Variants in C12orf60 observed in about 807,000 individuals in gnomAD.
The protein encoded by C12orf60 is chromosome 12 open reading frame 60.
For synonymous variants in C12orf60, 102 were observed against 94.6 expected (o/e 1.08, Z -0.45); for missense variants, 284 against 283.2 (o/e 1.00, Z -0.02).
chr12:14,806,433 A>G (rs552576725), intron 1 of C12orf60: 15 of 1,614,138 alleles, frequency 9.3e-6, no homozygotes, highest in Middle Eastern at 1.6e-4. Flanking sequence ...TGCTTCATCA[A>G]CCTTCTGCAA....
chr12:14,811,622 G>A (rs1950139426), intron 1 of C12orf60, among the ~76,000 whole-genome samples: 1 of 152,122 alleles, frequency 6.6e-6, no homozygotes, highest in South Asian at 2.1e-4. Context: ...TAAGATTAAA[G>A]GGCATCTAAG....
chr12:14,807,601 A>G (rs1950073164), intron 1 of C12orf60, among the ~76,000 whole-genome samples: 1 of 152,230 alleles, frequency 6.6e-6, no homozygotes, highest in Non-Finnish European at 1.5e-5. Flanking sequence ...AAGGATATCC[A>G]AAGGCAACAT....
At chr12:14,805,491 T>C (rs1244935837) in intron 1 of C12orf60, 1 of 152,996 alleles carries the variant, frequency 6.5e-6, no homozygotes, top group Admixed American at 6.5e-5. Flanking sequence ...CAGTCTCTTC[T>C]AGTTTACAGA....
intron 1 of C12orf60, among the ~76,000 whole-genome samples, chr12:14,808,619 G>T (rs1950091706): frequency 6.6e-6 from 1 of 152,252 alleles, no homozygotes; most frequent in East Asian, 1.9e-4. Context: ...AAATCGTATG[G>T]ATATAAGTTG....
chr12:14,805,797 A>C (rs1592228114), intron 1 of C12orf60: 1 of 571,706 alleles, frequency 1.7e-6, no homozygotes, highest in East Asian at 3.0e-5. Context: ...TTTACCTCAC[A>C]GGGTCTAGCA....
intron 1 of C12orf60, among the ~76,000 whole-genome samples, chr12:14,809,651 C>G (rs1463699509): frequency 3.3e-5 from 5 of 151,604 alleles, no homozygotes; most frequent in African/African-American, 1.2e-4. Context: ...TAAATAATAG[C>G]TAGAAGAAAA....
intron 1 of C12orf60, among the ~76,000 whole-genome samples, chr12:14,810,168 T>A (rs993385760): frequency 6.6e-6 from 1 of 151,982 alleles, no homozygotes; most frequent in African/African-American, 2.4e-5. Flanking sequence ...TTTCCTTGGG[T>A]GGGGAGTGGG....
At chr12:14,804,255 T>C (rs1950013306) in intron 1 of C12orf60, among the ~76,000 whole-genome samples, 1 of 152,154 alleles carries the variant, frequency 6.6e-6, no homozygotes, top group African/African-American at 2.4e-5. Flanking sequence ...CACTTAACTC[T>C]AGCCTTCGCC....
At chr12:14,815,225 G>A (rs181567666) in intron 1 of C12orf60, among the ~76,000 whole-genome samples, 1 of 152,252 alleles carries the variant, frequency 6.6e-6, no homozygotes, top group East Asian at 1.9e-4. Flanking sequence ...GGGCTAAGTG[G>A]GGTCACTTTT....
At chr12:14,821,759 T>G (rs1950308895) in intron 1 of C12orf60, among the ~76,000 whole-genome samples, 1 of 151,660 alleles carries the variant, frequency 6.6e-6, no homozygotes, top group Non-Finnish European at 1.5e-5. Flanking sequence ...CCTTTCCTGG[T>G]GTTCTGGCTA....
chr12:14,818,678 G>T (rs1174806844), intron 1 of C12orf60, among the ~76,000 whole-genome samples: 1 of 152,166 alleles, frequency 6.6e-6, no homozygotes, highest in Non-Finnish European at 1.5e-5. Context: ...TACTTGGGAG[G>T]CTGAGGCAGG....
At chr12:14,819,289 TGA>T (rs1008767394) in intron 1 of C12orf60, among the ~76,000 whole-genome samples, 8 of 152,282 alleles carry the variant, frequency 5.3e-5, no homozygotes, top group African/African-American at 1.7e-4. Context: ...AGTATTTTAT[TGA>T]GAGAGTATTA....
In C12orf60 at chr12:14,823,433, T is replaced by A. The variant is rs554616913; in HGVS notation, c.498T>A (p.Asp166Glu). The change falls in exon 2 of 2, where the codon GAT becomes GAA. Residue 166 changes from aspartate to glutamate, a missense_variant. Transcript: ENST00000330828. Reference sequence around the variant, plus strand: ...CAGAAGACACCAAAGAGCAATCAGATGTCACCACATCTGAGAGAACCAGAA... The same window carrying A: ...CAGAAGACACCAAAGAGCAATCAGAAGTCACCACATCTGAGAGAACCAGAA... ...FYTEDTKEQS[D>E]VTTSERTRSP... 4.3e-6 allele frequency: 7 copies of A among 1,613,960 alleles called. No individual in the cohort carries two copies. In the South Asian group the frequency reaches 6.6e-5, roughly 15 times the overall value.
chr12:14,809,164 A>G (rs1950099135), intron 1 of C12orf60, among the ~76,000 whole-genome samples: 1 of 152,184 alleles, frequency 6.6e-6, no homozygotes, highest in South Asian at 2.1e-4. Flanking sequence ...ATATGCCATT[A>G]TATGAAGGCA....
At chr12:14,804,785 TAA>T (rs574396940) in intron 1 of C12orf60, 45 of 152,354 alleles carry the variant, frequency 3.0e-4, no homozygotes, top group African/African-American at 8.4e-4. Context: ...TTGGAAATAT[TAA>T]AGTCTTTCAT....
chr12:14,806,830 C>T, intron 1 of C12orf60: 2 of 828,800 alleles, frequency 2.4e-6, no homozygotes, highest in Non-Finnish European at 3.7e-6. Context: ...TTCCTCAGAA[C>T]ACTCAACAAG....
chr12:14,803,775 G>C, intron 1 of C12orf60, 24 bp downstream of exon 1: 1 of 329,684 alleles, frequency 3.0e-6, no homozygotes, highest in Non-Finnish European at 5.5e-6. Flanking sequence ...TCCGAGAACG[G>C]TACATTCTGC....
At chr12:14,822,871 C>A in intron 1 of C12orf60, 41 bp from the exon 2 acceptor site, 1 of 1,482,092 alleles carries the variant, frequency 6.7e-7, no homozygotes, top group South Asian at 1.4e-5. Flanking sequence ...GTTGCCAAAT[C>A]GACTTTTATT....
chr12:14,821,652 G>T (rs1950307049), intron 1 of C12orf60, among the ~76,000 whole-genome samples: 1 of 152,054 alleles, frequency 6.6e-6, no homozygotes, highest in South Asian at 2.1e-4. Flanking sequence ...TATACATTAA[G>T]TCTACATGCA....
Sources: allele counts gnomAD v4.1 joint callset (sites outside exome capture counted in the v4.1 genomes callset), GRCh38; gene constraint gnomAD v4.1.1; transcripts MANE v1.5; gene names NCBI Gene and HGNC (gene_info 2026-07-23, HGNC 2026-07-21).